Variants in NXPE2 observed in about 807,000 individuals in gnomAD.
The protein encoded by NXPE2 is NXPE family member 2.
NXPE2 carries 34 observed loss-of-function variants against 34.4 expected under a neutral mutation model. The observed-to-expected ratio is 0.99, with a 90% CI of 0.75 to 1.31. The LOEUF is 1.31. Ranked by LOEUF, NXPE2 falls within the 40% of genes most tolerant of loss-of-function variation. The pLI is 0.00. For synonymous variants in NXPE2, 235 were observed against 231.3 expected, an observed-to-expected ratio of 1.02 and a Z score of -0.15; for missense variants, 649 against 672.5, an observed-to-expected ratio of 0.97 and a Z score of 0.39.
chr11:114,576,732 G>A, the NXPE2 span, among the ~76,000 whole-genome samples: 1 of 151,894 alleles, frequency 6.6e-6, no homozygotes, highest in Non-Finnish European at 1.5e-5. Flanking sequence ...CTTTTACACT[G>A]TTGGTGGGAA....
the NXPE2 span, among the ~76,000 whole-genome samples, chr11:114,524,181 A>G: frequency 6.6e-6 from 1 of 152,234 alleles, no homozygotes; most frequent in South Asian, 2.1e-4. Context: ...CTTTTAAAGC[A>G]TGACCTAGAA....
chr11:114,659,313 T>G, the NXPE2 span, among the ~76,000 whole-genome samples: 1 of 152,148 alleles, frequency 6.6e-6, no homozygotes. Context: ...GTTGGTATTA[T>G]CAGACAGAAA....
At chr11:114,652,491 A>G in the NXPE2 span, among the ~76,000 whole-genome samples, 2 of 152,220 alleles carry the variant, frequency 1.3e-5, no homozygotes, top group African/African-American at 2.4e-5. Flanking sequence ...ATTCTCTACT[A>G]TATAATGAGG....
At chr11:114,759,075 C>T in the NXPE2 span, among the ~76,000 whole-genome samples, 4 of 151,706 alleles carry the variant, frequency 2.6e-5, no homozygotes, top group South Asian at 2.1e-4. Flanking sequence ...CAAACACACA[C>T]GCACATGCGT....
intron 2 of NXPE2, among the ~76,000 whole-genome samples, chr11:114,687,746 T>G (rs1951075335): frequency 6.6e-6 from 1 of 152,080 alleles, no homozygotes; most frequent in Non-Finnish European, 1.5e-5. Flanking sequence ...AAGGGATGTT[T>G]TTCCATTTGT....
At chr11:114,651,530 T>C in the NXPE2 span, among the ~76,000 whole-genome samples, 4 of 152,308 alleles carry the variant, frequency 2.6e-5, no homozygotes, top group African/African-American at 9.6e-5. Flanking sequence ...TGGAAGAGAA[T>C]CCGAAAAGAT....
the NXPE2 span, among the ~76,000 whole-genome samples, chr11:114,504,314 C>T: frequency 3.3e-5 from 5 of 152,122 alleles, no homozygotes; most frequent in African/African-American, 1.2e-4. Flanking sequence ...CTCCTATACC[C>T]TGAGTGATCA....
At chr11:114,700,521 CG>C (rs1473998332) in intron 3 of NXPE2, among the ~76,000 whole-genome samples, 2 of 151,856 alleles carry the variant, frequency 1.3e-5, no homozygotes, top group Non-Finnish European at 2.9e-5. Flanking sequence ...GGCTGGAACG[CG>C]GGAAGTGAGG....
chr11:114,571,172 G>A, the NXPE2 span: 15 of 1,613,992 alleles, frequency 9.3e-6, no homozygotes, highest in Middle Eastern at 1.7e-4. Context: ...TAACCATAGT[G>A]TCTGGGCTTC....
chr11:114,522,107 A>C, the NXPE2 span: 1 of 1,614,102 alleles, frequency 6.2e-7, no homozygotes, highest in South Asian at 1.1e-5. Context: ...AATATCCTTC[A>C]TGATAAGATA....
At chr11:114,759,106 ACTCT>A in the NXPE2 span, among the ~76,000 whole-genome samples, 4 of 151,304 alleles carry the variant, frequency 2.6e-5, no homozygotes, top group South Asian at 2.1e-4. Flanking sequence ...ACACACACAC[ACTCT>A]CTCTCTGTCT....
the NXPE2 span, among the ~76,000 whole-genome samples, chr11:114,505,233 A>G: frequency 6.6e-6 from 1 of 152,184 alleles, no homozygotes; most frequent in Non-Finnish European, 1.5e-5. Context: ...ATGTAAAGAG[A>G]CTGAATCTAC....
At chr11:114,626,219 G>T in the NXPE2 span, among the ~76,000 whole-genome samples, 6 of 152,176 alleles carry the variant, frequency 3.9e-5, no homozygotes, top group African/African-American at 1.2e-4. Context: ...CACCTCTGGG[G>T]GCAGGGCACA....
chr11:114,482,052 T>C, the NXPE2 span, among the ~76,000 whole-genome samples: 1 of 151,898 alleles, frequency 6.6e-6, no homozygotes, highest in Non-Finnish European at 1.5e-5. Flanking sequence ...GAATGAAAGA[T>C]GGATTAAAGC....
chr11:114,534,539 A>C, the NXPE2 span, among the ~76,000 whole-genome samples: 4 of 152,224 alleles, frequency 2.6e-5, no homozygotes, highest in African/African-American at 9.6e-5. Context: ...AACTTTGAAA[A>C]AAAATTAGAT....
the NXPE2 span, among the ~76,000 whole-genome samples, chr11:114,639,294 G>A: frequency 2.6e-5 from 4 of 152,088 alleles, no homozygotes; most frequent in Admixed American, 6.6e-5. Context: ...TAATCTCCTG[G>A]TGCACCGTTC....
At chr11:114,727,281 C>T in the NXPE2 span, among the ~76,000 whole-genome samples, 4 of 152,058 alleles carry the variant, frequency 2.6e-5, no homozygotes, top group African/African-American at 9.7e-5. Flanking sequence ...TGGTGAAGCC[C>T]TCTTCTGCAT....
chr11:114,623,038 C>T, the NXPE2 span, among the ~76,000 whole-genome samples: 4 of 152,032 alleles, frequency 2.6e-5, no homozygotes, highest in Non-Finnish European at 5.9e-5. Flanking sequence ...CCCTGTTACC[C>T]GGTGGATAAT....
chr11:114,760,120 T>G, the NXPE2 span, among the ~76,000 whole-genome samples: 1 of 152,218 alleles, frequency 6.6e-6, no homozygotes, highest in Non-Finnish European at 1.5e-5. Flanking sequence ...CCCTGCACAT[T>G]CACATATTGA....
Sources: gnomAD v4.1 joint callset for allele counts (sites outside exome capture counted in the v4.1 genomes callset) on GRCh38, gnomAD v4.1.1 for gene constraint, MANE v1.5 for transcripts, NCBI Gene and HGNC (gene_info 2026-07-23, HGNC 2026-07-21) for gene names.